The following WRN variants were observed in gnomAD, a reference collection of about 807,000 sequenced individuals.
WRN encodes bifunctional 3'-5' exonuclease/ATP-dependent helicase WRN.
Under a neutral mutation model 180.7 loss-of-function variants are expected in WRN, and 149 were observed. The ratio of observed to expected loss-of-function variants is 0.82; its 90% CI spans 0.72 to 0.94. The LOEUF is 0.94. Ranked by LOEUF, WRN falls within the 40% of genes least tolerant of loss-of-function variation. The pLI is 0.00. For missense variants in WRN, 1,661 were observed against 1,700.1 expected (o/e 0.98, Z 0.40); for synonymous variants, 548 against 568.9 (o/e 0.96, Z 0.52).
chr8:31,124,098 A>G (rs921766130), intron 21 of WRN, among the ~76,000 whole-genome samples: 6 of 152,222 alleles, frequency 3.9e-5, no homozygotes, highest in East Asian at 3.9e-4. Context: ...CCTTACGTCA[A>G]TGCTTTTAGT....
chr8:31,037,154 A>G (rs1443296935), intron 1 of WRN, among the ~76,000 whole-genome samples: 1 of 152,212 alleles, frequency 6.6e-6, no homozygotes, highest in Non-Finnish European at 1.5e-5. Context: ...CTGAAACTTG[A>G]GGGTCCTATC....
intron 18 of WRN, among the ~76,000 whole-genome samples, chr8:31,103,719 G>A (rs1053499713): frequency 6.6e-6 from 1 of 151,442 alleles, no homozygotes; most frequent in Non-Finnish European, 1.5e-5. Context: ...ATATCTCAAA[G>A]GTTCTTTATT....
At position 31,141,503 on chromosome 8, in the gene WRN, G is replaced by A. The variant is rs2130415051; in HGVS notation, c.3041G>A (p.Trp1014Ter). The A allele has an allele frequency of 6.2e-7, 1 of 1,614,058 alleles. No individual in the cohort carries two copies. The highest frequency in any genetic ancestry group is 8.5e-7 in the Non-Finnish European group (1 of 1,180,026). The change falls in exon 25 of 35, where the codon TGG becomes TAG. Residue 1014 changes from tryptophan to a stop codon, truncating the protein, a stop_gained. Transcript: ENST00000298139. LOFTEE classifies it high-confidence loss of function. Reference protein sequence around the residue: ...FGTGKDQTESWWKAFSRQLIT... With the variant: ...FGTGKDQTES ...ACTGGCAAGGATCAAACAGAGAGTT[G>A]GTGGAAGGCTTTTTCCCGTCAGCTG...
rs749330842 is a variant in WRN, at chr8:31,141,439, C to T, written c.2977C>T (p.Arg993Cys). 15 of 1,613,950 alleles carry T rather than the reference C, an allele frequency of 9.3e-6. No homozygotes were observed. The highest frequency in any genetic ancestry group is 4.5e-5 in the East Asian group (2 of 44,886). ...TTATTCCTAATTTCAGAATTCTCAG[C>T]GTCTTGCCGATCAATATCGCAGGCA... ...ILFLRGSNSQ[R>C]LADQYRRHSL... Residue 993 changes from arginine to cysteine, a missense_variant, in exon 25 of 35, where the codon CGT becomes TGT. By Grantham distance (180) the Arg-to-Cys change is radical. Around this residue, in one of 3 missense-constraint regions of WRN, gnomAD observed 1,141 missense variants for 1,149.4 expected, o/e 0.99. Coordinates refer to ENST00000298139, the MANE Select transcript of WRN (RefSeq NM_000553.6).
At chr8:31,143,764 G>T in intron 28 of WRN, 141 bp downstream of exon 28, 1 of 595,668 alleles carries the variant, frequency 1.7e-6, no homozygotes, top group Non-Finnish European at 3.0e-6. Flanking sequence ...GTATTAGAAT[G>T]ATCAAAGTGA....
chr8:31,056,910 C>T (rs756708339), intron 1 of WRN, among the ~76,000 whole-genome samples: 4 of 152,120 alleles, frequency 2.6e-5, no homozygotes, highest in Non-Finnish European at 4.4e-5. Context: ...AGTAAGCTGC[C>T]TTCTGGTTTG....
At chr8:31,148,821 A>G (rs901340410) in intron 30 of WRN, among the ~76,000 whole-genome samples, 4 of 152,170 alleles carry the variant, frequency 2.6e-5, no homozygotes, top group African/African-American at 7.2e-5. Flanking sequence ...AAGTATTATT[A>G]TATCTTCTAG....
At chr8:31,160,002 G>GACACAAT (rs60075038) in intron 33 of WRN, among the ~76,000 whole-genome samples, 53,575 of 149,608 alleles carry the variant, frequency 0.36, 10,065 homozygotes, top group East Asian at 0.61. Flanking sequence ...GTGCAGGAAT[G>GACACAAT]CTAGAATGAC....
At chr8:31,041,454 C>T (rs1344804296) in intron 1 of WRN, among the ~76,000 whole-genome samples, 1 of 152,240 alleles carries the variant, frequency 6.6e-6, no homozygotes, top group Non-Finnish European at 1.5e-5. Context: ...GAAACATCCT[C>T]ACAGACACAC....
intron 1 of WRN, 39 bp from the exon 2 acceptor site, chr8:31,058,333 T>C: frequency 6.0e-6 from 5 of 834,140 alleles, no homozygotes; most frequent in Non-Finnish European, 9.9e-6. Context: ...TAAATATGTA[T>C]GTTTGGTTTT....
intron 3 of WRN, among the ~76,000 whole-genome samples, chr8:31,061,664 A>G (rs571165040): frequency 6.6e-6 from 1 of 152,246 alleles, no homozygotes; most frequent in East Asian, 1.9e-4. Context: ...CTTGTTTTCA[A>G]GCTTGATCAG....
At chr8:31,162,309 T>G (rs1282025714) in intron 33 of WRN, among the ~76,000 whole-genome samples, 1 of 152,228 alleles carries the variant, frequency 6.6e-6, no homozygotes, top group Non-Finnish European at 1.5e-5. Flanking sequence ...ACATTTTTTT[T>G]GTTAAAAACC....
At chr8:31,170,123 T>G (rs886219923) in intron 34 of WRN, among the ~76,000 whole-genome samples, 16 of 152,318 alleles carry the variant, frequency 1.1e-4, no homozygotes, top group African/African-American at 3.8e-4. Context: ...GTTGGTGGTT[T>G]GCCCCTACAT....
rs762404436 is a variant in WRN, at chr8:31,080,882, A to G, written c.855A>G (p.Leu285=). The G allele has an allele frequency of 8.7e-6, 14 of 1,607,290 alleles. No homozygotes were observed. The highest frequency in any genetic ancestry group is 2.2e-5 in the East Asian group (1 of 44,790). ...TTTTTTTTAGGGTTTCTATCTTACT[A>G]AAGGATATTTCAGAAAATCTATATT... The part of the protein sequence containing the change: ...LENPRRVSIL[L]KDISENLYSL... The change falls in exon 9 of 35, where the codon CTA becomes CTG. Residue 285 remains leucine (L), a synonymous_variant. Coordinates refer to ENST00000298139, the MANE Select transcript of WRN (RefSeq NM_000553.6).
Position 31,133,442 on chromosome 8 carries a change from G to A in WRN, c.2967+936G>A, listed in dbSNP as rs892786705. ...TTGGAGGCTGAGGCAGGAGAATGGC[G>A]TGAACGTGGGAGGCGGAGCTTGCAG... On this transcript the variant is annotated intron_variant, in intron 24 of 34. Coordinates refer to ENST00000298139, the MANE Select transcript of WRN (RefSeq NM_000553.6). Among the ~76,000 whole-genome samples the A allele has an allele frequency of 8.6e-5, 13 of 151,952 alleles. 1 individual carries two copies. Among genetic ancestry groups the A allele is most frequent in the East Asian group, 7.7e-4 (4 of 5,190 alleles).
At chr8:31,088,579 T>C (rs1177921193) in intron 12 of WRN, among the ~76,000 whole-genome samples, 2 of 152,162 alleles carry the variant, frequency 1.3e-5, no homozygotes, top group Non-Finnish European at 2.9e-5. Context: ...AACATTTGGA[T>C]TGGTATATTG....
intron 34 of WRN, 68 bp downstream of exon 34, chr8:31,167,298 T>C: frequency 7.4e-7 from 1 of 1,349,520 alleles, no homozygotes; most frequent in Non-Finnish European, 1.0e-6. Context: ...AGTACTAGAA[T>C]GCTGTATTTT....
chr8:31,144,481 G>A (rs1158233089), intron 28 of WRN, among the ~76,000 whole-genome samples: 1 of 151,762 alleles, frequency 6.6e-6, no homozygotes, highest in Non-Finnish European at 1.5e-5. Flanking sequence ...GACTACAGGC[G>A]CCCCCCGATC....
chr8:31,087,028 C>G (rs973100886), intron 11 of WRN, among the ~76,000 whole-genome samples: 3 of 151,538 alleles, frequency 2.0e-5, no homozygotes, highest in Admixed American at 6.6e-5. Flanking sequence ...TTTCTTCTGC[C>G]TTCAGGCTTG....
Sources: allele counts gnomAD v4.1 joint callset (sites outside exome capture counted in the v4.1 genomes callset), GRCh38; gene constraint gnomAD v4.1.1; regional missense constraint gnomAD v4.1.1; transcripts MANE v1.5; gene names NCBI Gene and HGNC (gene_info 2026-07-23, HGNC 2026-07-21).